ZMPSTE24: variants seen among roughly 807,000 people sequenced by gnomAD.
ZMPSTE24 encodes CAAX prenyl protease 1 homolog.
A neutral mutation model predicts 56.7 loss-of-function variants in ZMPSTE24; 48 were observed. The ratio of observed to expected loss-of-function variants is 0.85; its 90% CI spans 0.67 to 1.08. The LOEUF (loss-of-function observed/expected upper bound fraction) is 1.08. ZMPSTE24 is among the 50% of genes least tolerant of loss of function. ZMPSTE24 has a pLI of 0.00. For synonymous variants in ZMPSTE24, 172 were observed against 195.2 expected (o/e 0.88, Z 0.99); for missense variants, 503 against 548.7 (o/e 0.92, Z 0.83).
chr1:40,287,250 G>A (rs1203651300), intron 8 of ZMPSTE24, among the ~76,000 whole-genome samples: 1 of 151,300 alleles, frequency 6.6e-6, no homozygotes, highest in Non-Finnish European at 1.5e-5. Context: ...TGTATTTTTG[G>A]TAGAGACCGG....
rs575124723 is a variant in ZMPSTE24, at chr1:40,264,109, G to A, written c.270+3124G>A. On this transcript the variant is annotated intron_variant, in intron 2 of 9. Coordinates refer to ENST00000372759, the MANE Select transcript of ZMPSTE24 (RefSeq NM_005857.5). Reference sequence around the variant, plus strand: ...CACTTTGAGAGGCCGAGGTGGGGGCGGATTACCTGAGGTCAGAAGTTTGAG... The same window carrying A: ...CACTTTGAGAGGCCGAGGTGGGGGCAGATTACCTGAGGTCAGAAGTTTGAG... Among the ~76,000 whole-genome samples the A allele has an allele frequency of 4.7e-3, 710 of 152,192 alleles. 7 individuals carry two copies. The highest frequency in any genetic ancestry group is 0.016 in the African/African-American group (673 of 41,504).
intron 7 of ZMPSTE24, among the ~76,000 whole-genome samples, chr1:40,285,579 T>C (rs1387576527): frequency 6.6e-6 from 1 of 152,228 alleles, no homozygotes; most frequent in Non-Finnish European, 1.5e-5. Flanking sequence ...TTTTGTAATA[T>C]AATGTGACTG....
chr1:40,291,016 A>G lies in ZMPSTE24; in HGVS notation c.1203+19A>G, dbSNP rs1643838099. ...CAATGAGGTAATGTATGATCTTTAA[A>G]ATTATCACACATATGCTCTTGCCTG... is the stretch of plus-strand genomic sequence containing the variant. On this transcript the variant is annotated intron_variant, in intron 9 of 9. Coordinates refer to ENST00000372759, the MANE Select transcript of ZMPSTE24 (RefSeq NM_005857.5). 6.2e-7 allele frequency: 1 copy of G among 1,613,094 alleles called. No homozygotes were observed. Among genetic ancestry groups the G allele is most frequent in the African/African-American group, 1.3e-5 (1 of 74,900 alleles).
rs750501103 is a variant in ZMPSTE24, at chr1:40,268,469, G to T, written c.408G>T (p.Leu136Phe). The change falls in exon 4 of 10, where the codon TTG becomes TTT. Residue 136 changes from leucine (L) to phenylalanine (F), a missense_variant. Leu to Phe is a conservative substitution (Grantham distance 22). Transcript: ENST00000372759. ...FLLLATLFSA[L>F]TGLPWSLYNT... ...TGTTGGCTACACTTTTCAGTGCATTGACTGGTTTGCCATGGAGTCTTTATA... is the reference window on the plus strand; with the variant it reads ...TGTTGGCTACACTTTTCAGTGCATTTACTGGTTTGCCATGGAGTCTTTATA... The T allele has an allele frequency of 1.2e-6, 2 of 1,613,086 alleles. No individual in the cohort carries two copies. The highest frequency in any genetic ancestry group is 2.2e-5 in the South Asian group (2 of 91,056).
intron 6 of ZMPSTE24, among the ~76,000 whole-genome samples, chr1:40,273,539 T>A (rs78451215): frequency 0.036 from 1,472 of 40,864 alleles, 11 homozygotes; most frequent in African/African-American, 0.057. Context: ...AAAAAAAAAA[T>A]ATATATATAT....
intron 2 of ZMPSTE24, among the ~76,000 whole-genome samples, chr1:40,265,881 C>T (rs565557564): frequency 2.8e-4 from 43 of 152,162 alleles, no homozygotes; most frequent in Non-Finnish European, 6.0e-4. Flanking sequence ...ATATTTGAGA[C>T]CCATGATATT....
chr1:40,290,251 G>T (rs1643827013), intron 8 of ZMPSTE24, among the ~76,000 whole-genome samples: 1 of 151,050 alleles, frequency 6.6e-6, no homozygotes, highest in African/African-American at 2.4e-5. Flanking sequence ...CGGGCATGGT[G>T]GGGGGCGCCT....
At chr1:40,289,080 C>T (rs1643813842) in intron 8 of ZMPSTE24, among the ~76,000 whole-genome samples, 1 of 152,100 alleles carries the variant, frequency 6.6e-6, no homozygotes, top group African/African-American at 2.4e-5. Flanking sequence ...TGTTCCTGTT[C>T]AACTAATTGA....
chr1:40,271,030 A>G (rs953338841), intron 5 of ZMPSTE24, among the ~76,000 whole-genome samples: 1 of 152,344 alleles, frequency 6.6e-6, no homozygotes, highest in South Asian at 2.1e-4. Context: ...ATTATCATCT[A>G]TCAGCTCTTC....
chr1:40,279,447 T>G (rs917769724), intron 6 of ZMPSTE24, among the ~76,000 whole-genome samples: 3 of 152,202 alleles, frequency 2.0e-5, no homozygotes, highest in Non-Finnish European at 2.9e-5. Flanking sequence ...TCAACACATT[T>G]TTGCCAACAA....
chr1:40,275,218 G>A (rs141940906), intron 6 of ZMPSTE24, among the ~76,000 whole-genome samples: 3 of 139,112 alleles, frequency 2.2e-5, no homozygotes, highest in Non-Finnish European at 3.0e-5. Context: ...TCAGAAATTC[G>A]AGACAAGCCT....
At chr1:40,291,987 C>T (rs1441032043) in intron 9 of ZMPSTE24, among the ~76,000 whole-genome samples, 2 of 152,046 alleles carry the variant, frequency 1.3e-5, no homozygotes, top group East Asian at 1.9e-4. Flanking sequence ...ACTACAGGCA[C>T]CCATCACCAC....
intron 9 of ZMPSTE24, among the ~76,000 whole-genome samples, chr1:40,291,579 A>G (rs1158149475): frequency 6.6e-6 from 1 of 152,262 alleles, no homozygotes; most frequent in African/African-American, 2.4e-5. Flanking sequence ...TGACAATGGC[A>G]TCATTTCATG....
intron 8 of ZMPSTE24, among the ~76,000 whole-genome samples, chr1:40,288,568 G>A (rs1231814241): frequency 2.6e-5 from 4 of 152,124 alleles, no homozygotes; most frequent in Non-Finnish European, 5.9e-5. Context: ...CATCTTTGTC[G>A]CTGTGGCCAC....
intron 2 of ZMPSTE24, among the ~76,000 whole-genome samples, chr1:40,262,369 T>TG (rs1172381721): frequency 6.6e-6 from 1 of 152,208 alleles, no homozygotes; most frequent in African/African-American, 2.4e-5. Flanking sequence ...TCATTGGCTT[T>TG]GGGGATACAC....
At position 40,288,405 on chromosome 1, in the gene ZMPSTE24, G is replaced by A. The variant is rs374715626; in HGVS notation, c.1059+2376G>A. ...ATCACTGCCCCTTCCATGAGGGAAA[G>A]GGTTCCAATGGAATCAGCCTACCAC... On this transcript the variant is annotated intron_variant, in intron 8 of 9. Transcript: ENST00000372759. Among the ~76,000 whole-genome samples the A allele has an allele frequency of 7.1e-4, 108 of 152,322 alleles. 1 individual carries two copies. The highest frequency in any genetic ancestry group is 3.3e-3 in the South Asian group (16 of 4,820).
chr1:40,291,955 C>G (rs1312683940), intron 9 of ZMPSTE24, among the ~76,000 whole-genome samples: 1 of 151,740 alleles, frequency 6.6e-6, no homozygotes, highest in Non-Finnish European at 1.5e-5. Context: ...ATTCTCCTGC[C>G]TCAGCCTCCT....
At chr1:40,267,514 A>G (rs948947914) in intron 2 of ZMPSTE24, among the ~76,000 whole-genome samples, 7 of 151,216 alleles carry the variant, frequency 4.6e-5, no homozygotes, top group Non-Finnish European at 1.0e-4. Context: ...ACAGGTACGC[A>G]CTATCAGGCC....
At chr1:40,275,752 CA>C (rs34281343) in intron 6 of ZMPSTE24, among the ~76,000 whole-genome samples, 5,782 of 62,764 alleles carry the variant, frequency 0.092, 63 homozygotes, top group East Asian at 0.19. Flanking sequence ...GACCCTGTCT[CA>C]AAAAAAAAAA....
Sources: gnomAD v4.1 joint callset for allele counts (sites outside exome capture counted in the v4.1 genomes callset) on GRCh38, gnomAD v4.1.1 for gene constraint, MANE v1.5 for transcripts, NCBI Gene and HGNC (gene_info 2026-07-23, HGNC 2026-07-21) for gene names.